Variants in KCNQ2 observed in about 807,000 individuals in gnomAD.
The protein encoded by KCNQ2 is potassium voltage-gated channel subfamily Q member 2.
Under a neutral mutation model 84.8 loss-of-function variants are expected in KCNQ2, and 14 were observed. The ratio of observed to expected loss-of-function variants is 0.17; its 90% CI spans 0.11 to 0.26. The LOEUF is 0.26. Ranked by LOEUF, KCNQ2 falls within the 10% of genes least tolerant of loss-of-function variation. The pLI is 1.00. For synonymous variants in KCNQ2, 599 were observed against 554.1 expected, an observed-to-expected ratio of 1.08 and a Z score of -1.14; for missense variants, 788 against 1,254.0, an observed-to-expected ratio of 0.63 and a Z score of 5.61.
chr20:63,443,286 CCATCATCACCACCACCAT>C, intron 4 of KCNQ2, among the ~76,000 whole-genome samples: 1 of 69,396 alleles, frequency 1.4e-5, no homozygotes, highest in East Asian at 3.9e-4. Context: ...ATCACCATCA[CCATCATCACCACCACCAT>C]CACCATCATC....
At position 63,415,146 on chromosome 20, in the gene KCNQ2, C is replaced by CAGACAGAA. The variant is rs751372070; in HGVS notation, c.1302-21_1302-20insTTCTGTCT. 1 of 1,566,788 alleles carries CAGACAGAA rather than the reference C, an allele frequency of 6.4e-7. No homozygotes were observed. Among genetic ancestry groups the CAGACAGAA allele is most frequent in the Non-Finnish European group, 8.7e-7 (1 of 1,152,714 alleles). ...TTCTGGCTGCTCCCACGGGAACCGA[C>CAGACAGAA]AGACAGACAGAAAAACAGGGAGAGA... On this transcript the variant is annotated intron_variant, in intron 12 of 16. Transcript: ENST00000359125.
At position 63,433,841 on chromosome 20, in the gene KCNQ2, G is replaced by A. The variant is rs747376305; in HGVS notation, c.1086C>T (p.Tyr362=). ...SRTDLHSTWQ[Y]YERTVTVPMY... ...TGGGCACGGTGACCGTTCGCTCGTA[G>A]TACTGCCACGTGGAGTGCAGGTCTG... The change falls in exon 8 of 17, where the codon TAC becomes TAT. Residue 362 remains tyrosine (Y), a synonymous_variant. Coordinates refer to ENST00000359125, the MANE Select transcript of KCNQ2 (RefSeq NM_172107.4). The A allele has an allele frequency of 3.1e-6, 5 of 1,613,820 alleles. No individual in the cohort carries two copies. In the African/African-American group the frequency reaches 4.0e-5, roughly 13 times the overall value.
In KCNQ2 at chr20:63,408,404, C is replaced by T. The variant is rs1292936188; in HGVS notation, c.1887+9G>A. 1 of 1,607,200 alleles carries T rather than the reference C, an allele frequency of 6.2e-7. No homozygotes were observed. The highest frequency in any genetic ancestry group is 8.5e-7 in the Non-Finnish European group (1 of 1,179,272). ...CAGCCCCGCACCCCTCCCGCCCAGC[C>T]TCTCGCACCTGCTTCTCCACCTTCC... On this transcript the variant is annotated intron_variant, in intron 16 of 16. Coordinates refer to ENST00000359125, the MANE Select transcript of KCNQ2 (RefSeq NM_172107.4). This position sits in a 1 kb window ranked among gnomAD's most constrained non-coding sequence, Gnocchi z 5.0.
chr20:63,437,015 G>A lies in KCNQ2; in HGVS notation c.1023+1610C>T, dbSNP rs139915450. 8.3e-3 allele frequency among the ~76,000 whole-genome samples: 1,269 copies of A among 152,316 alleles called. 16 individuals carry two copies. Among genetic ancestry groups the A allele is most frequent in the African/African-American group, 0.028 (1,181 of 41,568 alleles). ...GCTGGTCTCGAACTCCTGACCTCAA[G>A]AGATCTGCCTGCCTCAGCCTCCTAA... On this transcript the variant is annotated intron_variant, in intron 7 of 16. Transcript: ENST00000359125.
intron 1 of KCNQ2, among the ~76,000 whole-genome samples, chr20:63,463,091 A>T (rs1194105847): frequency 6.7e-6 from 1 of 149,902 alleles, no homozygotes; most frequent in Non-Finnish European, 1.5e-5. Context: ...GTGTGTGCAC[A>T]TGTCATGTGA....
At chr20:63,455,829 C>A (rs1600831668) in intron 1 of KCNQ2, among the ~76,000 whole-genome samples, 2 of 129,858 alleles carry the variant, frequency 1.5e-5, no homozygotes, top group African/African-American at 3.0e-5. Context: ...CCCCTCTGCT[C>A]ACGGGCCCCC....
At position 63,431,127 on chromosome 20, in the gene KCNQ2, G is replaced by A. The variant is rs550694008; in HGVS notation, c.1148+213C>T. 5.1e-4 allele frequency among the ~76,000 whole-genome samples: 77 copies of A among 152,278 alleles called. No homozygotes were observed. In the South Asian group the frequency reaches 7.0e-3, roughly 14 times the overall value. ...GGCCCTGGGAGGGCAGGGTTGGCAC[G>A]TGGGCTCCAGGCAGGGGAGGGCCCA... is the stretch of plus-strand genomic sequence containing the variant. On this transcript the variant is annotated intron_variant, in intron 9 of 16. Coordinates refer to ENST00000359125, the MANE Select transcript of KCNQ2 (RefSeq NM_172107.4).
Position 63,406,624 on chromosome 20 carries a change from T to A in KCNQ2, c.*20A>T. The A allele has an allele frequency of 6.3e-7, 1 of 1,576,354 alleles. No individual in the cohort carries two copies. The highest frequency in any genetic ancestry group is 8.6e-7 in the Non-Finnish European group (1 of 1,166,702). On this transcript the variant is annotated 3_prime_UTR_variant, in exon 17 of 17. Coordinates refer to ENST00000359125, the MANE Select transcript of KCNQ2 (RefSeq NM_172107.4). Reference sequence around the variant, plus strand: ...CGTGCTGAGGAGGGCCGCGGGCGGGTCCACTGGCCCAGCGCCGCCTCACTT... The same window carrying A: ...CGTGCTGAGGAGGGCCGCGGGCGGGACCACTGGCCCAGCGCCGCCTCACTT...
intron 11 of KCNQ2, among the ~76,000 whole-genome samples, chr20:63,420,281 A>G (rs751871503): frequency 5.3e-5 from 8 of 152,250 alleles, no homozygotes; most frequent in Non-Finnish European, 2.9e-5. Flanking sequence ...GAAGCCCTTC[A>G]GGAGCGCAGC....
In KCNQ2 at chr20:63,466,881, G is replaced by A. The variant is rs566983064; in HGVS notation, c.296+5287C>T. Reference sequence around the variant, plus strand: ...GAGCGGGGCTGCGTCCACAGACCGCGCACACACGAGCAGTTTCCCGTCTCA... The same window carrying A: ...GAGCGGGGCTGCGTCCACAGACCGCACACACACGAGCAGTTTCCCGTCTCA... On this transcript the variant is annotated intron_variant, in intron 1 of 16. Transcript: ENST00000359125. Among the ~76,000 whole-genome samples, 36 of 152,338 alleles carry A rather than the reference G, an allele frequency of 2.4e-4. 1 individual carries two copies. Among genetic ancestry groups the A allele is most frequent in the Admixed American group, 2.0e-3 (31 of 15,304 alleles).
intron 1 of KCNQ2, among the ~76,000 whole-genome samples, chr20:63,468,325 C>T (rs1357736590): frequency 3.3e-5 from 5 of 152,184 alleles, no homozygotes; most frequent in Non-Finnish European, 7.4e-5. Context: ...AGAGACTGGA[C>T]CCTGGTCCTG....
intron 12 of KCNQ2, among the ~76,000 whole-genome samples, chr20:63,416,467 C>A (rs1262427675): frequency 6.6e-6 from 1 of 152,194 alleles, no homozygotes; most frequent in Non-Finnish European, 1.5e-5. Context: ...CCCCTGGCTC[C>A]CTTGAGGACA....
intron 10 of KCNQ2, among the ~76,000 whole-genome samples, chr20:63,427,447 C>T (rs1193527598): frequency 6.6e-6 from 1 of 152,254 alleles, no homozygotes; most frequent in African/African-American, 2.4e-5. Context: ...TCATGTGCAA[C>T]GGCTCCTGTA....
intron 7 of KCNQ2, chr20:63,437,365 G>A (rs186537068): frequency 3.3e-5 from 5 of 152,240 alleles, no homozygotes; most frequent in African/African-American, 1.2e-4. Context: ...ATAGTGGAGT[G>A]AGATTTGGGG....
intron 1 of KCNQ2, among the ~76,000 whole-genome samples, chr20:63,453,193 C>T (rs764898818): frequency 6.6e-6 from 1 of 152,216 alleles, no homozygotes; most frequent in Non-Finnish European, 1.5e-5. Context: ...GTCCTCCGCC[C>T]GCCGCCACAG....
chr20:63,468,786 C>T (rs750724314), intron 1 of KCNQ2, among the ~76,000 whole-genome samples: 4 of 152,254 alleles, frequency 2.6e-5, no homozygotes, highest in Non-Finnish European at 5.9e-5. Flanking sequence ...TTAAACACAG[C>T]TTCACTCTGG....
At chr20:63,469,763 C>A (rs903616801) in intron 1 of KCNQ2, among the ~76,000 whole-genome samples, 1 of 152,272 alleles carries the variant, frequency 6.6e-6, no homozygotes, top group Non-Finnish European at 1.5e-5. Context: ...GATGAACAAA[C>A]AGACCAAATG....
At position 63,472,379 on chromosome 20, in the gene KCNQ2, G is replaced by T. The variant is rs1443768998; in HGVS notation, c.85C>A (p.Pro29Thr). ...KLKVGFVGLD[P>T]GAPDSTRDGA... is the part of the protein sequence containing the mutation. Reference sequence around the variant, plus strand: ...TCCCGGGTGGAGTCGGGCGCGCCGGGGTCCAGCCCCACGAAGCCCACCTTC... The same window carrying T: ...TCCCGGGTGGAGTCGGGCGCGCCGGTGTCCAGCCCCACGAAGCCCACCTTC... Residue 29 changes from proline (P) to threonine (T), a missense_variant, in exon 1 of 17, where the codon CCC becomes ACC. Around this residue, in one of 8 missense-constraint regions of KCNQ2, gnomAD observed 41 missense variants for 41.2 expected, o/e 0.99. Coordinates refer to ENST00000359125, the MANE Select transcript of KCNQ2 (RefSeq NM_172107.4). 1 of 1,535,096 alleles carries T rather than the reference G, an allele frequency of 6.5e-7. No individual in the cohort carries two copies. The highest frequency in any genetic ancestry group is 2.0e-5 in the Admixed American group (1 of 50,788).
Position 63,433,877 on chromosome 20 carries a change from G to A in KCNQ2, c.1050C>T (p.Asn350=), listed in dbSNP as rs1371059392. ...IQSAWRFYAT[N]LSRTDLHSTW... ...TGGAGTGCAGGTCTGTGCGCGAGAG[G>A]TTGGTGGCGTAGAATCTCCAGGCCG... Residue 350 remains asparagine (N), a synonymous_variant, in exon 8 of 17, where the codon AAC becomes AAT. Coordinates refer to ENST00000359125, the MANE Select transcript of KCNQ2 (RefSeq NM_172107.4). The A allele has an allele frequency of 1.2e-6, 2 of 1,613,822 alleles. No homozygotes were observed. Among genetic ancestry groups the A allele is most frequent in the Non-Finnish European group, 1.7e-6 (2 of 1,179,916 alleles).
Sources: allele counts gnomAD v4.1 joint callset (sites outside exome capture counted in the v4.1 genomes callset), GRCh38; gene constraint gnomAD v4.1.1; regional missense constraint gnomAD v4.1.1; non-coding constraint Gnocchi (gnomAD v3.1); transcripts MANE v1.5; gene names NCBI Gene and HGNC (gene_info 2026-07-23, HGNC 2026-07-21).